The following SERAC1 variants were observed in gnomAD, a reference collection of about 807,000 sequenced individuals.
The protein encoded by SERAC1 is serine active site containing 1.
A neutral mutation model predicts 85.7 loss-of-function variants in SERAC1; 36 were observed. The ratio of observed to expected loss-of-function variants is 0.42; its 90% CI spans 0.32 to 0.55. The LOEUF (loss-of-function observed/expected upper bound fraction) is 0.55, where lower values mean the gene tolerates loss of function less well. Among genes scored for constraint, SERAC1 ranks in the 20% least tolerant of loss-of-function variants. SERAC1 has a pLI of 0.11. For missense variants in SERAC1, 629 were observed against 796.2 expected (o/e 0.79, Z 2.53); for synonymous variants, 242 against 265.3 (o/e 0.91, Z 0.85).
intron 1 of SERAC1, 181 bp from the exon 2 acceptor site, chr6:158,158,545 T>G (rs1358568046): frequency 4.0e-6 from 2 of 495,850 alleles, no homozygotes; most frequent in Admixed American, 7.1e-5. Context: ...AAGGGACTTA[T>G]TAGAATAATA....
In SERAC1 at chr6:158,110,604, T is replaced by C. The variant is rs1032514364; in HGVS notation, c.*762A>G. 2 of 152,224 alleles carry C rather than the reference T, an allele frequency of 1.3e-5. No homozygotes were observed. Among genetic ancestry groups the C allele is most frequent in the East Asian group, 3.8e-4 (2 of 5,198 alleles). 9.4% of individuals were successfully genotyped at this position (152,224 alleles called of 1,614,324 possible). On this transcript the variant is annotated 3_prime_UTR_variant, in exon 17 of 17. Transcript: ENST00000647468. ...GCCAAAGAGAATCTGAGAATCTTGA[T>C]ACTAAGAATTGCTAATTCATATAAT...
intron 15 of SERAC1, chr6:158,114,550 T>C: frequency 8.3e-7 from 1 of 1,199,484 alleles, no homozygotes; most frequent in Non-Finnish European, 1.1e-6. Context: ...TTTTCTAATT[T>C]TAAGTATTTA....
intron 6 of SERAC1, chr6:158,146,470 G>A (rs948415122): frequency 4.2e-5 from 6 of 142,818 alleles, no homozygotes; most frequent in Non-Finnish European, 5.6e-5. Context: ...GTGCAGTGGC[G>A]CAATCTCGGC....
intron 9 of SERAC1, among the ~76,000 whole-genome samples, chr6:158,128,747 C>T (rs117408223): frequency 0.016 from 2,376 of 152,316 alleles, 23 homozygotes; most frequent in Middle Eastern, 0.041. Context: ...CACCCTATCC[C>T]ACACAATGCC....
intron 1 of SERAC1, among the ~76,000 whole-genome samples, chr6:158,165,902 C>T (rs1370010377): frequency 6.6e-6 from 1 of 152,022 alleles, no homozygotes; most frequent in East Asian, 1.9e-4. Context: ...CTCAAAGGTG[C>T]TTTTTGTAAC....
Position 158,146,933 on chromosome 6 carries a change from C to G in SERAC1, c.356-20G>C, listed in dbSNP as rs760682570. On this transcript the variant is annotated intron_variant, in intron 5 of 16. Transcript: ENST00000647468. The stretch of plus-strand genomic sequence containing the variant: ...AAGGATCTTTGCAAAAAGAAAAAGC[C>G]AAGACAATGTGAAAAGTTAAGATAA... 1 of 1,609,340 alleles carries G rather than the reference C, an allele frequency of 6.2e-7. No individual in the cohort carries two copies. Among genetic ancestry groups the G allele is most frequent in the East Asian group, 2.2e-5 (1 of 44,718 alleles).
In SERAC1 at chr6:158,117,764, TG is replaced by T; in HGVS notation, c.1365del (p.Ser456AlafsTer62). Reference protein sequence around the residue: ...ALRIISVEYDTSLSDWRARCP... With the variant: ...ALRIISVEYDXSLSDWRARCP... The stretch of plus-strand genomic sequence containing the variant: ...CACCTTGCTCTCCAGTCGCTGAGGC[TG>T]GTGTCATACTCCACAGATATAATTC... On this transcript the variant is annotated frameshift_variant, in exon 13 of 17. Coordinates refer to ENST00000647468, the MANE Select transcript of SERAC1 (RefSeq NM_032861.4). LOFTEE classifies it high-confidence loss of function. This position sits in a 1 kb window ranked among gnomAD's most constrained non-coding sequence, Gnocchi z 4.3. 6.2e-7 allele frequency: 1 copy of T among 1,614,192 alleles called. No homozygotes were observed. Among genetic ancestry groups the T allele is most frequent in the Non-Finnish European group, 8.5e-7 (1 of 1,180,010 alleles).
At chr6:158,145,407 C>T in intron 6 of SERAC1, 1 of 152,142 alleles carries the variant, frequency 6.6e-6, no homozygotes, top group Admixed American at 6.5e-5. Context: ...TAAATCTCCA[C>T]CAACATTAAG....
chr6:158,115,655 G>T (rs1465208753), intron 14 of SERAC1, among the ~76,000 whole-genome samples: 1 of 152,118 alleles, frequency 6.6e-6, no homozygotes, highest in Non-Finnish European at 1.5e-5. Flanking sequence ...TGGACTGGGG[G>T]AGTCGCACAC....
intron 3 of SERAC1, among the ~76,000 whole-genome samples, chr6:158,152,446 G>T (rs1319126800): frequency 6.6e-6 from 1 of 152,036 alleles, no homozygotes; most frequent in Non-Finnish European, 1.5e-5. Flanking sequence ...AACCGAGGAG[G>T]CAGAGGTTGT....
intron 3 of SERAC1, among the ~76,000 whole-genome samples, chr6:158,151,959 C>A (rs916718248): frequency 5.9e-5 from 9 of 152,162 alleles, no homozygotes; most frequent in Non-Finnish European, 8.8e-5. Context: ...ACCACGTTGC[C>A]CAGGCTGGCC....
chr6:158,143,401 G>C (rs1259105081), intron 7 of SERAC1, among the ~76,000 whole-genome samples: 2 of 148,872 alleles, frequency 1.3e-5, no homozygotes, highest in African/African-American at 5.0e-5. Context: ...ATATGATATA[G>C]AGATCTAGGG....
At chr6:158,147,762 C>T (rs1336717819) in intron 5 of SERAC1, among the ~76,000 whole-genome samples, 1 of 94,162 alleles carries the variant, frequency 1.1e-5, no homozygotes, top group Non-Finnish European at 1.8e-5. Flanking sequence ...AGAGAAGGCT[C>T]TGTCTCAAAA....
chr6:158,112,636 CATT>C (rs1018812994), intron 16 of SERAC1: 4 of 151,484 alleles, frequency 2.6e-5, no homozygotes, highest in Admixed American at 2.6e-4. Context: ...GGACAAAACT[CATT>C]ATGTAGACAA....
chr6:158,163,608 AC>A (rs1785532504), intron 1 of SERAC1, among the ~76,000 whole-genome samples: 1 of 152,238 alleles, frequency 6.6e-6, no homozygotes, highest in African/African-American at 2.4e-5. Context: ...AGTGAGACCC[AC>A]ATCTCAAAAC....
At chr6:158,132,480 G>A (rs1784700875) in intron 8 of SERAC1, among the ~76,000 whole-genome samples, 1 of 152,108 alleles carries the variant, frequency 6.6e-6, no homozygotes, top group African/African-American at 2.4e-5. Context: ...AGCTTTGTCG[G>A]GGGGTAGGAA....
intron 6 of SERAC1, chr6:158,145,208 T>C (rs1015402608): frequency 2.6e-5 from 4 of 152,178 alleles, no homozygotes; most frequent in East Asian, 1.9e-4. Context: ...CACACCACTA[T>C]ACTTCAGCCT....
intron 3 of SERAC1, among the ~76,000 whole-genome samples, chr6:158,151,590 T>A (rs1401864822): frequency 6.6e-6 from 1 of 151,810 alleles, no homozygotes; most frequent in African/African-American, 2.4e-5. Context: ...CCCGGGTAAT[T>A]TTGTTTTTGT....
At chr6:158,158,130 G>C (rs989180517) in intron 2 of SERAC1, 143 bp downstream of exon 2, 4 of 519,440 alleles carry the variant, frequency 7.7e-6, no homozygotes, top group Admixed American at 3.5e-5. Context: ...TATAAATTTG[G>C]GGTGAACTAT....
Sources: gnomAD v4.1 joint callset for allele counts (sites outside exome capture counted in the v4.1 genomes callset) on GRCh38, gnomAD v4.1.1 for gene constraint, Gnocchi (gnomAD v3.1) non-coding constraint, MANE v1.5 for transcripts, NCBI Gene and HGNC (gene_info 2026-07-23, HGNC 2026-07-21) for gene names.